Variants in RORA observed in about 807,000 individuals in gnomAD.
The protein encoded by RORA is RAR related orphan receptor A, also known as nuclear receptor ROR-alpha.
Under a neutral mutation model 69.5 loss-of-function variants are expected in RORA, and 7 were observed. The observed-to-expected ratio is 0.10, with a 90% CI of 0.06 to 0.19. RORA has a LOEUF of 0.19. RORA is among the 10% of genes least tolerant of loss of function. The probability of loss-of-function intolerance (pLI) is 1.00; values close to 1 mark genes in which losing one functional copy is unlikely to be tolerated. For missense variants in RORA, 457 were observed against 663.0 expected (o/e 0.69, Z 3.41); for synonymous variants, 261 against 240.8 (o/e 1.08, Z -0.78).
At chr15:61,224,874 G>A (rs1269467603) in intron 1 of RORA, among the ~76,000 whole-genome samples, 2 of 152,172 alleles carry the variant, frequency 1.3e-5, no homozygotes, top group South Asian at 4.1e-4. Context: ...AAAACAAGCT[G>A]AAGGGTCTCA....
chr15:60,947,533 T>C (rs1006502077), intron 1 of RORA, among the ~76,000 whole-genome samples: 3 of 151,872 alleles, frequency 2.0e-5, no homozygotes, highest in African/African-American at 4.8e-5. Context: ...TAATCTCAAG[T>C]ACCCAGGGAC....
At chr15:60,986,038 T>C (rs1476254904) in intron 1 of RORA, among the ~76,000 whole-genome samples, 1 of 152,194 alleles carries the variant, frequency 6.6e-6, no homozygotes, top group Admixed American at 6.5e-5. Context: ...CCTAAGAAGC[T>C]AAGACTTCCT....
intron 1 of RORA, among the ~76,000 whole-genome samples, chr15:61,129,159 T>C (rs1398992246): frequency 2.0e-5 from 3 of 152,326 alleles, no homozygotes; most frequent in African/African-American, 4.8e-5. Context: ...CTCCTATTTC[T>C]AGATATCTTC....
At chr15:60,830,085 G>A (rs1334159440) in intron 1 of RORA, among the ~76,000 whole-genome samples, 1 of 152,196 alleles carries the variant, frequency 6.6e-6, no homozygotes, top group Non-Finnish European at 1.5e-5. Flanking sequence ...CATACCATTT[G>A]TCTTGGATTT....
At chr15:61,206,267 G>A (rs979024606) in intron 1 of RORA, among the ~76,000 whole-genome samples, 1 of 152,152 alleles carries the variant, frequency 6.6e-6, no homozygotes, top group Non-Finnish European at 1.5e-5. Context: ...GAGAGAGGAA[G>A]GAAGAAATTC....
At chr15:61,025,543 T>C (rs10162779) in intron 1 of RORA, among the ~76,000 whole-genome samples, 92,089 of 152,036 alleles carry the variant, frequency 0.61, 29,527 homozygotes, top group Non-Finnish European at 0.72. Flanking sequence ...AGACAGTCTT[T>C]GTGACTAAGG....
intron 2 of RORA, among the ~76,000 whole-genome samples, chr15:60,574,169 A>G (rs28540598): frequency 0.19 from 29,345 of 152,122 alleles, 4,596 homozygotes; most frequent in African/African-American, 0.43. Context: ...TCAGCCCCCA[A>G]TTGGAGCTAT....
chr15:60,661,500 G>T (rs1049967303), intron 2 of RORA, among the ~76,000 whole-genome samples: 1 of 152,142 alleles, frequency 6.6e-6, no homozygotes, highest in Admixed American at 6.5e-5. Context: ...TCAGACACAG[G>T]GATCTCCAAA....
intron 1 of RORA, among the ~76,000 whole-genome samples, chr15:61,046,770 A>G (rs1897048027): frequency 6.6e-6 from 1 of 152,200 alleles, no homozygotes; most frequent in Non-Finnish European, 1.5e-5. Flanking sequence ...AGAGAGGGAA[A>G]AAACAGCCTT....
intron 2 of RORA, among the ~76,000 whole-genome samples, chr15:60,613,069 C>T (rs1481576601): frequency 6.6e-6 from 1 of 150,472 alleles, no homozygotes; most frequent in Non-Finnish European, 1.5e-5. Context: ...GTGATTATAT[C>T]TTTCCAAAGT....
chr15:61,052,050 G>A (rs896601756), intron 1 of RORA, among the ~76,000 whole-genome samples: 41 of 152,304 alleles, frequency 2.7e-4, no homozygotes, highest in African/African-American at 9.6e-4. Context: ...AAATGCTATC[G>A]TCTGCAGTCA....
At chr15:60,995,369 G>C (rs983799210) in intron 1 of RORA, among the ~76,000 whole-genome samples, 1 of 152,104 alleles carries the variant, frequency 6.6e-6, no homozygotes, top group East Asian at 1.9e-4. Flanking sequence ...AATGATTCTC[G>C]GCCAGCGCGA....
chr15:60,700,324 G>C (rs975164926), intron 1 of RORA, among the ~76,000 whole-genome samples: 2 of 152,158 alleles, frequency 1.3e-5, no homozygotes, highest in African/African-American at 2.4e-5. Flanking sequence ...TAAAGAGAAG[G>C]ACAGCAGGGT....
rs1161204486 is a variant in RORA at position 60,957,272 on chromosome 15, G to A, written c.166+271781C>T. Among the ~76,000 whole-genome samples, 3 of 152,258 alleles carry A rather than the reference G, an allele frequency of 2.0e-5. No homozygotes were observed. In the East Asian group the frequency reaches 5.8e-4, roughly 29 times the overall value. On this transcript the variant is annotated intron_variant, in intron 1 of 10. Coordinates refer to ENST00000335670, the MANE Select transcript of RORA (RefSeq NM_134261.3). The stretch of plus-strand genomic sequence containing the variant: ...CGGGCTATAAGAGTGCTTTAAAAAT[G>A]TGAATTCAGCCCACATTCTCACTGC...
At chr15:60,942,867 C>A (rs1265251661) in intron 1 of RORA, among the ~76,000 whole-genome samples, 1 of 152,172 alleles carries the variant, frequency 6.6e-6, no homozygotes, top group African/African-American at 2.4e-5. Context: ...CCTTTGCTGG[C>A]CTTACACATT....
chr15:61,141,984 C>T (rs1809380705), intron 1 of RORA, among the ~76,000 whole-genome samples: 1 of 151,972 alleles, frequency 6.6e-6, no homozygotes, highest in Non-Finnish European at 1.5e-5. Flanking sequence ...AGGGGAGGGA[C>T]AGGAGGGTAA....
chr15:61,052,196 G>A (rs1049273064), intron 1 of RORA, among the ~76,000 whole-genome samples: 1 of 152,186 alleles, frequency 6.6e-6, no homozygotes, highest in Non-Finnish European at 1.5e-5. Context: ...TCATTTAATA[G>A]GAACTCTCCT....
chr15:61,151,458 T>C (rs2079397354), intron 1 of RORA, among the ~76,000 whole-genome samples: 1 of 152,250 alleles, frequency 6.6e-6, no homozygotes, highest in Non-Finnish European at 1.5e-5. Flanking sequence ...AAGCTCCTAA[T>C]CATTATTAAG....
intron 1 of RORA, among the ~76,000 whole-genome samples, chr15:60,837,505 G>GTAGCAGGTAC (rs1423111750): frequency 1.3e-5 from 2 of 152,190 alleles, no homozygotes; most frequent in South Asian, 4.1e-4. Context: ...CTCAGGCTTG[G>GTAGCAGGTAC]TAGCAGGTAC....
Sources: allele counts gnomAD v4.1 joint callset (sites outside exome capture counted in the v4.1 genomes callset), GRCh38; gene constraint gnomAD v4.1.1; transcripts MANE v1.5; gene names NCBI Gene and HGNC (gene_info 2026-07-23, HGNC 2026-07-21).